CSMD3: variants seen among roughly 807,000 people sequenced by gnomAD.
CSMD3 encodes CUB and Sushi multiple domains 3, also known as CUB and sushi domain-containing protein 3.
CSMD3 carries 177 observed loss-of-function variants against 435.2 expected under a neutral mutation model. The ratio of observed to expected loss-of-function variants is 0.41; its 90% CI spans 0.36 to 0.46. The LOEUF is 0.46. CSMD3 is among the 20% of genes least tolerant of loss of function. CSMD3 has a pLI of 0.34. For synonymous variants in CSMD3, 1,656 were observed against 1,520.5 expected (o/e 1.09, Z -2.07); for missense variants, 4,265 against 4,504.6 (o/e 0.95, Z 1.52).
At chr8:113,201,504 T>C (rs913930994) in intron 3 of CSMD3, among the ~76,000 whole-genome samples, 3 of 152,056 alleles carry the variant, frequency 2.0e-5, no homozygotes, top group African/African-American at 7.2e-5. Flanking sequence ...ATTAGATTTT[T>C]GTTTTTGATA....
chr8:112,904,233 T>A (rs1198134241), intron 10 of CSMD3, among the ~76,000 whole-genome samples: 1 of 151,420 alleles, frequency 6.6e-6, no homozygotes, highest in Non-Finnish European at 1.5e-5. Context: ...TGACTATGGT[T>A]AATGATGATA....
chr8:112,872,834 A>G (rs971149276), intron 10 of CSMD3, among the ~76,000 whole-genome samples: 3 of 152,070 alleles, frequency 2.0e-5, no homozygotes, highest in Non-Finnish European at 4.4e-5. Context: ...AGAATGATAT[A>G]AATTATTATG....
chr8:113,167,741 T>C (rs1282505589), intron 4 of CSMD3, among the ~76,000 whole-genome samples: 2 of 152,186 alleles, frequency 1.3e-5, no homozygotes, highest in East Asian at 3.9e-4. Context: ...GCTGATAAAA[T>C]AATTCCATTA....
At chr8:112,580,946 C>CA (rs1830296625) in intron 23 of CSMD3, among the ~76,000 whole-genome samples, 1 of 151,998 alleles carries the variant, frequency 6.6e-6, no homozygotes, top group South Asian at 2.1e-4. Flanking sequence ...CACTGCCCAG[C>CA]AAAAAGGTTG....
At chr8:113,397,532 G>C (rs1195732775) in intron 1 of CSMD3, among the ~76,000 whole-genome samples, 1 of 151,948 alleles carries the variant, frequency 6.6e-6, no homozygotes, top group Non-Finnish European at 1.5e-5. Context: ...AAAGAACAAA[G>C]ACTGTGGGCC....
At position 112,503,841 on chromosome 8, in the gene CSMD3, A is replaced by T; in HGVS notation, c.5032T>A (p.Phe1678Ile). The T allele has an allele frequency of 6.2e-7, 1 of 1,613,202 alleles. No homozygotes were observed. Among genetic ancestry groups the T allele is most frequent in the South Asian group, 1.1e-5 (1 of 90,964 alleles). Residue 1678 changes from phenylalanine (F) to isoleucine (I), a missense_variant, in exon 30 of 71, where the codon TTT (phenylalanine) becomes ATT (isoleucine). Phe to Ile is a conservative substitution (Grantham distance 21, BLOSUM62 0). Around this residue, in one of 3 missense-constraint regions of CSMD3, gnomAD observed 3,255 missense variants for 3,380.2 expected, o/e 0.96. Transcript: ENST00000297405. ...ESSSNTMHLAFRSDGSVSYTG... is the reference protein window; with the variant it reads ...ESSSNTMHLAIRSDGSVSYTG... The stretch of plus-strand genomic sequence containing the variant: ...TAACTAACAGATCCATCACTCCGAA[A>T]AGCCAAATGCATTGTATTTGAGCTG...
At chr8:112,533,042 A>T (rs1313037833) in intron 27 of CSMD3, among the ~76,000 whole-genome samples, 2 of 152,102 alleles carry the variant, frequency 1.3e-5, no homozygotes, top group African/African-American at 4.8e-5. Context: ...AGTAGCCATT[A>T]GTTTAAAATA....
intron 54 of CSMD3, 121 bp from the exon 55 acceptor site, chr8:112,292,831 T>TA (rs1586676061): frequency 1.2e-6 from 1 of 832,532 alleles, no homozygotes; most frequent in East Asian, 2.6e-5. Context: ...GACTACTTTT[T>TA]ATCTGGAAAT....
At chr8:112,750,010 G>C (rs1587169942) in intron 13 of CSMD3, among the ~76,000 whole-genome samples, 1 of 152,036 alleles carries the variant, frequency 6.6e-6, no homozygotes, top group African/African-American at 2.4e-5. Flanking sequence ...CAATCTGCGA[G>C]TATGTTGAAT....
chr8:112,534,759 A>G (rs1825889167), intron 27 of CSMD3, among the ~76,000 whole-genome samples: 1 of 152,132 alleles, frequency 6.6e-6, no homozygotes, highest in South Asian at 2.1e-4. Context: ...ATCCTTGATG[A>G]ACATTGATGC....
chr8:113,223,880 G>T (rs529176534), intron 3 of CSMD3, among the ~76,000 whole-genome samples: 15 of 150,426 alleles, frequency 1.0e-4, no homozygotes, highest in Admixed American at 4.7e-4. Context: ...GCTACTAATC[G>T]GTAATGGCAG....
chr8:112,640,969 A>G (rs1435278868), intron 20 of CSMD3, among the ~76,000 whole-genome samples: 1 of 152,110 alleles, frequency 6.6e-6, no homozygotes, highest in African/African-American at 2.4e-5. Flanking sequence ...TTATTTTAGA[A>G]TTTCATTAAT....
At chr8:112,779,609 G>T (rs1295150294) in intron 13 of CSMD3, among the ~76,000 whole-genome samples, 1 of 151,938 alleles carries the variant, frequency 6.6e-6, no homozygotes, top group Non-Finnish European at 1.5e-5. Context: ...TATTGAATTT[G>T]GGATGGTCAG....
At chr8:113,018,075 G>A (rs983813424) in intron 6 of CSMD3, among the ~76,000 whole-genome samples, 1 of 151,910 alleles carries the variant, frequency 6.6e-6, no homozygotes, top group Non-Finnish European at 1.5e-5. Context: ...TTGATTTTAA[G>A]TTACTTTCCT....
intron 3 of CSMD3, among the ~76,000 whole-genome samples, chr8:113,202,324 T>C (rs1236268130): frequency 6.6e-6 from 1 of 152,164 alleles, no homozygotes; most frequent in East Asian, 1.9e-4. Flanking sequence ...TGAATTTTAA[T>C]AAAGGGCAGG....
At chr8:113,022,038 T>A (rs1314021599) in intron 5 of CSMD3, among the ~76,000 whole-genome samples, 1 of 152,184 alleles carries the variant, frequency 6.6e-6, no homozygotes, top group Non-Finnish European at 1.5e-5. Context: ...AGTCACTGAA[T>A]AATGTTCATT....
At chr8:112,799,404 G>A (rs1325477203) in intron 13 of CSMD3, among the ~76,000 whole-genome samples, 1 of 151,896 alleles carries the variant, frequency 6.6e-6, no homozygotes, top group African/African-American at 2.4e-5. Context: ...TACCACAATA[G>A]TAATGATAAT....
At chr8:113,430,193 T>A (rs2094662901) in intron 1 of CSMD3, among the ~76,000 whole-genome samples, 1 of 152,162 alleles carries the variant, frequency 6.6e-6, no homozygotes, top group Admixed American at 6.5e-5. Context: ...AGGCTACACT[T>A]TTTATTTACT....
intron 13 of CSMD3, among the ~76,000 whole-genome samples, chr8:112,794,556 A>G (rs1453650378): frequency 6.6e-6 from 1 of 151,858 alleles, no homozygotes; most frequent in Non-Finnish European, 1.5e-5. Flanking sequence ...CGGCCTCCCA[A>G]AGTGCTGGGA....
Sources: gnomAD v4.1 joint callset for allele counts (sites outside exome capture counted in the v4.1 genomes callset) on GRCh38, gnomAD v4.1.1 for gene constraint, gnomAD v4.1.1 regional missense constraint, MANE v1.5 for transcripts, NCBI Gene and HGNC (gene_info 2026-07-23, HGNC 2026-07-21) for gene names.